ZGRF1: variants seen among roughly 807,000 people sequenced by gnomAD.
The protein encoded by ZGRF1 is 5'-3' DNA helicase ZGRF1.
Under a neutral mutation model 203.5 loss-of-function variants are expected in ZGRF1, and 196 were observed. The observed-to-expected ratio is 0.96, with a 90% CI of 0.86 to 1.08. ZGRF1 has a LOEUF of 1.08. Ranked by LOEUF, ZGRF1 falls within the 50% of genes least tolerant of loss-of-function variation. ZGRF1 has a pLI of 0.00. For missense variants in ZGRF1, 2,326 were observed against 2,416.3 expected, an observed-to-expected ratio of 0.96 and a Z score of 0.78; for synonymous variants, 809 against 841.3, an observed-to-expected ratio of 0.96 and a Z score of 0.66.
chr4:112,618,520 T>C lies in ZGRF1; in HGVS notation c.1522A>G (p.Met508Val). 6.2e-7 allele frequency: 1 copy of C among 1,612,824 alleles called. No individual in the cohort carries two copies. The highest frequency in any genetic ancestry group is 8.5e-7 in the Non-Finnish European group (1 of 1,179,202). Residue 508 changes from methionine (M) to valine (V), a missense_variant, in exon 6 of 28, where the codon ATG becomes GTG. Physicochemically the swap from Met to Val is conservative, Grantham distance 21. Transcript: ENST00000505019. ...DITDMISESKMDNESLNSIHE... is the reference protein window; with the variant it reads ...DITDMISESKVDNESLNSIHE... ...ATACTATTAAGACTTTCATTATCCA[T>C]TTTACTTTCAGAAATCATGTCTGTA...
chr4:112,625,716 G>A (rs2047219678), intron 3 of ZGRF1, among the ~76,000 whole-genome samples: 1 of 151,732 alleles, frequency 6.6e-6, no homozygotes. Context: ...GACCAACACG[G>A]AGAAACCCCG....
chr4:112,617,779 T>G lies in ZGRF1; in HGVS notation c.2263A>C (p.Lys755Gln). ...GAATTGGAAATGTGGGTATTTGATT[T>G]ATCAAGTGCAATACATTCATAGTGA... ...QNHYECIALD[K>Q]SNTHISNSLF... The change falls in exon 6 of 28, where the codon AAA (lysine) becomes CAA (glutamine). Residue 755 changes from lysine to glutamine, a missense_variant. Coordinates refer to ENST00000505019, the MANE Select transcript of ZGRF1 (RefSeq NM_018392.5). 1.2e-6 allele frequency: 2 copies of G among 1,614,054 alleles called. No homozygotes were observed. Among genetic ancestry groups the G allele is most frequent in the Non-Finnish European group, 1.7e-6 (2 of 1,179,922 alleles).
rs1408366665 is a variant in ZGRF1, at chr4:112,540,090, T to C, written c.5945A>G (p.His1982Arg). 6.3e-7 allele frequency: 1 copy of C among 1,592,456 alleles called. No homozygotes were observed. The highest frequency in any genetic ancestry group is 2.3e-5 in the East Asian group (1 of 44,434). ...CHLLSAVDFH[H>R]PDIKTVQVST... Reference sequence around the variant, plus strand: ...CACCTGCACAGTTTTAATATCAGGATGGTGAAAGTCCACAGCACTGAGTAA... The same window carrying C: ...CACCTGCACAGTTTTAATATCAGGACGGTGAAAGTCCACAGCACTGAGTAA... Residue 1982 changes from histidine to arginine, a missense_variant, in exon 27 of 28, where the codon CAT becomes CGT. Coordinates refer to ENST00000505019, the MANE Select transcript of ZGRF1 (RefSeq NM_018392.5).
intron 3 of ZGRF1, among the ~76,000 whole-genome samples, chr4:112,629,090 C>T (rs887093899): frequency 6.6e-6 from 1 of 152,182 alleles, no homozygotes; most frequent in African/African-American, 2.4e-5. Flanking sequence ...CAAGGCTCGA[C>T]ATGTCCCTTG....
intron 20 of ZGRF1, among the ~76,000 whole-genome samples, chr4:112,556,229 C>T (rs145612740): frequency 1.1e-3 from 171 of 151,910 alleles, no homozygotes; most frequent in African/African-American, 3.7e-3. Flanking sequence ...GATTATTTTC[C>T]TAAGGAAAGA....
intron 10 of ZGRF1, among the ~76,000 whole-genome samples, chr4:112,599,917 TTACATAAAA>T (rs761303568): frequency 2.6e-5 from 4 of 152,098 alleles, no homozygotes; most frequent in Non-Finnish European, 5.9e-5. Context: ...ACATGTAACT[TTACATAAAA>T]TGTACTCAAT....
intron 10 of ZGRF1, among the ~76,000 whole-genome samples, chr4:112,596,331 C>T (rs1196336976): frequency 2.6e-5 from 4 of 152,094 alleles, no homozygotes; most frequent in Non-Finnish European, 5.9e-5. Flanking sequence ...ACTGATTTGC[C>T]CCAATAACCA....
intron 9 of ZGRF1, among the ~76,000 whole-genome samples, chr4:112,604,769 C>T (rs1392435905): frequency 1.3e-5 from 2 of 152,160 alleles, no homozygotes; most frequent in African/African-American, 2.4e-5. Context: ...TTTCAGGCTT[C>T]AAATGGCTTT....
intron 2 of ZGRF1, among the ~76,000 whole-genome samples, chr4:112,632,570 C>G (rs1197818987): frequency 6.6e-6 from 1 of 152,212 alleles, no homozygotes; most frequent in South Asian, 2.1e-4. Context: ...TTGTAAGATT[C>G]AATTGCAATC....
chr4:112,622,148 T>C (rs924732982), intron 4 of ZGRF1, among the ~76,000 whole-genome samples: 1 of 152,208 alleles, frequency 6.6e-6, no homozygotes, highest in Non-Finnish European at 1.5e-5. Context: ...ACTGATGTCA[T>C]GTAAAATTTC....
chr4:112,608,782 G>A (rs933885291), intron 8 of ZGRF1, among the ~76,000 whole-genome samples: 2 of 152,026 alleles, frequency 1.3e-5, no homozygotes, highest in Non-Finnish European at 2.9e-5. Flanking sequence ...CATAATACAG[G>A]TGTTTTCTTT....
Position 112,618,512 on chromosome 4 carries a change from A to C in ZGRF1, c.1530T>G (p.Asn510Lys). ...ATTCATGAATACTATTAAGACTTTC[A>C]TTATCCATTTTACTTTCAGAAATCA... ...TDMISESKMD[N>K]ESLNSIHESL... Residue 510 changes from asparagine to lysine, a missense_variant, in exon 6 of 28, where the codon AAT becomes AAG. Asn to Lys is a moderately conservative substitution (Grantham distance 94, BLOSUM62 0). Coordinates refer to ENST00000505019, the MANE Select transcript of ZGRF1 (RefSeq NM_018392.5). 1 of 1,613,114 alleles carries C rather than the reference A, an allele frequency of 6.2e-7. No homozygotes were observed. Among genetic ancestry groups the C allele is most frequent in the Non-Finnish European group, 8.5e-7 (1 of 1,179,452 alleles).
chr4:112,553,872 T>C lies in ZGRF1; in HGVS notation c.5309A>G (p.Gln1770Arg), dbSNP rs756564836. 4 of 1,613,310 alleles carry C rather than the reference T, an allele frequency of 2.5e-6. No individual in the cohort carries two copies. In the South Asian group the frequency reaches 4.4e-5, roughly 18 times the overall value. ...ERVYVRKSIE[Q>R]HKLGTNRTLL... ...GGTTCTATTGGTCCCCAGTTTATGC[T>C]GCTCAATGCTTTTTCTCACATAGAC... Residue 1770 changes from glutamine to arginine, a missense_variant, in exon 22 of 28, where the codon CAG (glutamine) becomes CGG (arginine). Coordinates refer to ENST00000505019, the MANE Select transcript of ZGRF1 (RefSeq NM_018392.5).
At chr4:112,630,955 C>G (rs1001778987) in intron 3 of ZGRF1, among the ~76,000 whole-genome samples, 3 of 151,974 alleles carry the variant, frequency 2.0e-5, no homozygotes, top group Non-Finnish European at 4.4e-5. Context: ...GACAAAAAGC[C>G]TAGGTTCATA....
chr4:112,572,981 GT>G (rs1744460782), intron 16 of ZGRF1, among the ~76,000 whole-genome samples: 1 of 152,146 alleles, frequency 6.6e-6, no homozygotes, highest in Non-Finnish European at 1.5e-5. Context: ...GGAAAACAGT[GT>G]GGAGATTCCT....
intron 3 of ZGRF1, among the ~76,000 whole-genome samples, chr4:112,625,312 C>T (rs1024892526): frequency 1.3e-5 from 2 of 151,464 alleles, no homozygotes; most frequent in Non-Finnish European, 2.9e-5. Flanking sequence ...AATCGCCAGG[C>T]GCGGTGGCTC....
intron 3 of ZGRF1, among the ~76,000 whole-genome samples, chr4:112,627,506 C>A (rs1022388481): frequency 6.6e-6 from 1 of 152,086 alleles, no homozygotes; most frequent in Non-Finnish European, 1.5e-5. Context: ...TTTAAGAGGC[C>A]GAGGCGGGTG....
Position 112,618,798 on chromosome 4 carries a change from A to G in ZGRF1, c.1244T>C (p.Leu415Ser). The change falls in exon 6 of 28, where the codon TTA becomes TCA. Residue 415 changes from leucine (L) to serine (S), a missense_variant. Coordinates refer to ENST00000505019, the MANE Select transcript of ZGRF1 (RefSeq NM_018392.5). ...EIPSFNESSS[L>S]QVTCSSAEND... ...TTCTGCACTGCTACAAGTAACCTGT[A>G]AGCTACTGCTTTCATTGAATGAAGG... 6.2e-7 allele frequency: 1 copy of G among 1,612,676 alleles called. No homozygotes were observed. Among genetic ancestry groups the G allele is most frequent in the Non-Finnish European group, 8.5e-7 (1 of 1,179,684 alleles).
At chr4:112,611,961 T>C (rs186389529) in intron 7 of ZGRF1, among the ~76,000 whole-genome samples, 2 of 151,870 alleles carry the variant, frequency 1.3e-5, no homozygotes, top group Admixed American at 1.3e-4. Flanking sequence ...TTAGTAACTG[T>C]GGGGTTTTGT....
Sources: gnomAD v4.1 joint callset for allele counts (sites outside exome capture counted in the v4.1 genomes callset) on GRCh38, gnomAD v4.1.1 for gene constraint, MANE v1.5 for transcripts, NCBI Gene and HGNC (gene_info 2026-07-23, HGNC 2026-07-21) for gene names.